TRABD2B: variants seen among roughly 807,000 people sequenced by gnomAD.
TRABD2B encodes metalloprotease TIKI2.
TRABD2B carries 14 observed loss-of-function variants against 40.1 expected under a neutral mutation model. The observed-to-expected ratio is 0.35, with a 90% CI of 0.23 to 0.55. The LOEUF (loss-of-function observed/expected upper bound fraction) is 0.55. Among genes scored for constraint, TRABD2B ranks in the 20% least tolerant of loss-of-function variants. The pLI is 0.90. For synonymous variants in TRABD2B, 263 were observed against 277.0 expected (o/e 0.95, Z 0.50); for missense variants, 541 against 648.6 (o/e 0.83, Z 1.80).
intron 2 of TRABD2B, among the ~76,000 whole-genome samples, chr1:47,827,298 G>A (rs1000077716): frequency 6.6e-6 from 1 of 152,200 alleles, no homozygotes; most frequent in African/African-American, 2.4e-5. Context: ...AGGCAGTGCC[G>A]AAGACACGCT....
rs1645994308 is a variant in TRABD2B at position 47,990,776 on chromosome 1, TA to T, written c.666+3257del. ...TTGGTTTTAAAACGTTGGTTTTATA[TA>T]TATATATATATATATATATATATAT... On this transcript the variant is annotated intron_variant, in intron 2 of 6. Coordinates refer to ENST00000606738, the MANE Select transcript of TRABD2B (RefSeq NM_001194986.2). 6.5e-3 allele frequency among the ~76,000 whole-genome samples: 22 copies of T among 3,396 alleles called. 1 individual carries two copies. Among genetic ancestry groups the T allele is most frequent in the Admixed American group, 0.011 (4 of 364 alleles). The allele number at this position is 3,396 out of a possible 152,430, so 2.2% of individuals were successfully genotyped here.
intron 2 of TRABD2B, among the ~76,000 whole-genome samples, chr1:47,809,286 C>A (rs1217967770): frequency 1.3e-5 from 2 of 152,198 alleles, no homozygotes; most frequent in Non-Finnish European, 2.9e-5. Context: ...GCTCTGAGGT[C>A]AGGCAAATCC....
intron 2 of TRABD2B, among the ~76,000 whole-genome samples, chr1:47,914,254 A>G (rs1478892330): frequency 6.6e-6 from 1 of 152,266 alleles, no homozygotes; most frequent in African/African-American, 2.4e-5. Context: ...CCCCTGGTTG[A>G]GAACTAGCCC....
intron 2 of TRABD2B, among the ~76,000 whole-genome samples, chr1:47,943,537 G>A (rs975532451): frequency 2.0e-5 from 3 of 152,072 alleles, no homozygotes; most frequent in Non-Finnish European, 4.4e-5. Context: ...TACAGATGGG[G>A]AAACAGAGGT....
intron 2 of TRABD2B, among the ~76,000 whole-genome samples, chr1:47,942,555 C>T (rs1645202214): frequency 6.6e-6 from 1 of 152,148 alleles, no homozygotes; most frequent in African/African-American, 2.4e-5. Flanking sequence ...TCAGGACATC[C>T]CTCACCACCC....
chr1:47,957,306 C>A (rs1317291639), intron 2 of TRABD2B, among the ~76,000 whole-genome samples: 2 of 152,164 alleles, frequency 1.3e-5, no homozygotes, highest in African/African-American at 4.8e-5. Flanking sequence ...GTCTCTTCTC[C>A]TCCAAAGAAA....
intron 2 of TRABD2B, among the ~76,000 whole-genome samples, chr1:47,865,737 C>T (rs185222222): frequency 2.5e-4 from 38 of 152,222 alleles, no homozygotes; most frequent in African/African-American, 2.4e-4. Flanking sequence ...GCATCCTAGG[C>T]GCTTGTCACA....
intron 2 of TRABD2B, among the ~76,000 whole-genome samples, chr1:47,906,210 C>T (rs527609510): frequency 2.0e-5 from 3 of 152,340 alleles, no homozygotes; most frequent in African/African-American, 4.8e-5. Flanking sequence ...GTGTTGTGCA[C>T]ACAGTGTACC....
intron 2 of TRABD2B, among the ~76,000 whole-genome samples, chr1:47,909,553 A>G (rs1264478949): frequency 1.9e-5 from 2 of 105,218 alleles, no homozygotes; most frequent in Non-Finnish European, 4.0e-5. Flanking sequence ...GAGGAGAAGA[A>G]GGAAGAAGGA....
chr1:47,995,728 G>T (rs1646080799), intron 1 of TRABD2B, among the ~76,000 whole-genome samples: 1 of 152,186 alleles, frequency 6.6e-6, no homozygotes, highest in South Asian at 2.1e-4. Flanking sequence ...TGTTGGGATG[G>T]GTGGGTTGTG....
At position 47,961,891 on chromosome 1, in the gene TRABD2B, C is replaced by T. The variant is rs544570964; in HGVS notation, c.666+32143G>A. Among the ~76,000 whole-genome samples, 6 of 152,302 alleles carry T rather than the reference C, an allele frequency of 3.9e-5. No homozygotes were observed. The East Asian group carries it at 9.7e-4, about 25-fold the overall frequency. On this transcript the variant is annotated intron_variant, in intron 2 of 6. Transcript: ENST00000606738. ...TATACCCAAAGGATTATAAATCATG[C>T]TGCTATAAAGACACATGCACACGTA...
At chr1:47,853,312 G>C (rs1397005180) in intron 2 of TRABD2B, among the ~76,000 whole-genome samples, 1 of 152,154 alleles carries the variant, frequency 6.6e-6, no homozygotes, top group African/African-American at 2.4e-5. Flanking sequence ...ATTAGCCAAG[G>C]GGCAAGATCA....
At chr1:47,913,720 T>C (rs1644793442) in intron 2 of TRABD2B, among the ~76,000 whole-genome samples, 1 of 152,198 alleles carries the variant, frequency 6.6e-6, no homozygotes, top group South Asian at 2.1e-4. Context: ...GCTGCCATCA[T>C]CTGGCTCCAA....
intron 2 of TRABD2B, among the ~76,000 whole-genome samples, chr1:47,985,666 T>A (rs1292113414): frequency 6.6e-6 from 1 of 152,246 alleles, no homozygotes; most frequent in East Asian, 1.9e-4. Flanking sequence ...AGGCATTCAG[T>A]GTGGCCCAAG....
In TRABD2B at chr1:47,841,976, C is replaced by T. The variant is rs533283334; in HGVS notation, c.667-40357G>A. Reference sequence around the variant, plus strand: ...TTTAGTAGAGATGGGGTTTCACGACCGTGGCCAGGCTGGTCTTGAGCTCCC... The same window carrying T: ...TTTAGTAGAGATGGGGTTTCACGACTGTGGCCAGGCTGGTCTTGAGCTCCC... On this transcript the variant is annotated intron_variant, in intron 2 of 6. Coordinates refer to ENST00000606738, the MANE Select transcript of TRABD2B (RefSeq NM_001194986.2). 3.9e-5 allele frequency among the ~76,000 whole-genome samples: 6 copies of T among 151,914 alleles called. No individual in the cohort carries two copies. The South Asian group carries it at 6.3e-4, about 16-fold the overall frequency.
rs552902721 is a variant in TRABD2B at position 47,815,837 on chromosome 1, A to C, written c.667-14218T>G. 1.5e-4 allele frequency among the ~76,000 whole-genome samples: 18 copies of C among 117,302 alleles called. 1 individual carries two copies. In the South Asian group the frequency reaches 4.0e-3, roughly 26 times the overall value. 77.0% of individuals were successfully genotyped at this position (117,302 alleles called of 152,430 possible). On this transcript the variant is annotated intron_variant, in intron 2 of 6. Coordinates refer to ENST00000606738, the MANE Select transcript of TRABD2B (RefSeq NM_001194986.2). ...GATAGATAGATAGATAGATAGATAG[A>C]TAGATAGATAGATAGAAATAGAGTC...
intron 2 of TRABD2B, among the ~76,000 whole-genome samples, chr1:47,837,226 G>A (rs1398057249): frequency 6.6e-6 from 1 of 152,188 alleles, no homozygotes; most frequent in Non-Finnish European, 1.5e-5. Context: ...TCCACAGCCA[G>A]GGCCAGCAGT....
intron 2 of TRABD2B, among the ~76,000 whole-genome samples, chr1:47,840,309 G>A (rs1645379250): frequency 6.6e-6 from 1 of 152,180 alleles, no homozygotes; most frequent in Non-Finnish European, 1.5e-5. Context: ...GCCCCCAGAG[G>A]TACGTATCAT....
At position 47,994,523 on chromosome 1, in the gene TRABD2B, G is replaced by T; in HGVS notation, c.177C>A (p.Val59=). Residue 59 remains valine (V), a synonymous_variant, in exon 2 of 7, where the codon GTC becomes GTA. Transcript: ENST00000606738. This position sits in a 1 kb window ranked among gnomAD's most constrained non-coding sequence, Gnocchi z 6.7. ...PPAYLFGTIH[V]PYTRVWDFIP... is the part of the protein sequence containing the mutation. ...TGAAGTCCCAGACGCGGGTGTAGGG[G>T]ACGTGAATAGTGCCAAACAGGTAGG... is the stretch of plus-strand genomic sequence containing the variant. The T allele has an allele frequency of 6.5e-7, 1 of 1,536,170 alleles. No homozygotes were observed. The highest frequency in any genetic ancestry group is 8.7e-7 in the Non-Finnish European group (1 of 1,146,920).
Sources: allele counts gnomAD v4.1 joint callset (sites outside exome capture counted in the v4.1 genomes callset), GRCh38; gene constraint gnomAD v4.1.1; non-coding constraint Gnocchi (gnomAD v3.1); transcripts MANE v1.5; gene names NCBI Gene and HGNC (gene_info 2026-07-23, HGNC 2026-07-21).